The following TTLL7 variants were observed in gnomAD, a reference collection of about 807,000 sequenced individuals.
The protein encoded by TTLL7 is tubulin polyglutamylase TTLL7.
Under a neutral mutation model 120.2 loss-of-function variants are expected in TTLL7, and 53 were observed. The ratio of observed to expected loss-of-function variants is 0.44; its 90% CI spans 0.35 to 0.55. The LOEUF (loss-of-function observed/expected upper bound fraction) is 0.55, where lower values mean the gene tolerates loss of function less well. Ranked by LOEUF, TTLL7 falls within the 20% of genes least tolerant of loss-of-function variation. The pLI is 0.00. For missense variants in TTLL7, 803 were observed against 1,054.7 expected, an observed-to-expected ratio of 0.76 and a Z score of 3.31; for synonymous variants, 353 against 351.7, an observed-to-expected ratio of 1.00 and a Z score of -0.04.
chr1:83,963,934 A>C (rs1242212596), intron 1 of TTLL7, among the ~76,000 whole-genome samples: 1 of 152,162 alleles, frequency 6.6e-6, no homozygotes, highest in Non-Finnish European at 1.5e-5. Context: ...CATATGGAAA[A>C]AAGCAAATGT....
chr1:83,990,531 C>T (rs991039190), intron 1 of TTLL7, among the ~76,000 whole-genome samples: 1 of 152,170 alleles, frequency 6.6e-6, no homozygotes, highest in African/African-American at 2.4e-5. Flanking sequence ...CTTCCAATAA[C>T]CCTATTTAAA....
intron 1 of TTLL7, among the ~76,000 whole-genome samples, chr1:83,971,250 T>C (rs1191233853): frequency 1.3e-5 from 2 of 152,078 alleles, no homozygotes; most frequent in Non-Finnish European, 2.9e-5. Context: ...GATAGATCCA[T>C]TGAGATGTGG....
chr1:83,892,437 TGA>T (rs1655656647), intron 18 of TTLL7, among the ~76,000 whole-genome samples: 1 of 134,968 alleles, frequency 7.4e-6, no homozygotes, highest in Non-Finnish European at 1.6e-5. Context: ...AACATATATA[TGA>T]ACATATGAAT....
chr1:83,870,431 T>C (rs1653262886), intron 20 of TTLL7, among the ~76,000 whole-genome samples: 2 of 152,202 alleles, frequency 1.3e-5, no homozygotes, highest in African/African-American at 4.8e-5. Context: ...TTTGAGAATT[T>C]GACTAGCCAC....
intron 3 of TTLL7, among the ~76,000 whole-genome samples, chr1:83,950,869 G>C (rs1424148355): frequency 6.6e-6 from 1 of 152,106 alleles, no homozygotes; most frequent in African/African-American, 2.4e-5. Context: ...AGCTCATGTA[G>C]AGAGCAAGGG....
At chr1:83,883,352 C>T (rs904153584) in intron 19 of TTLL7, among the ~76,000 whole-genome samples, 15 of 151,606 alleles carry the variant, frequency 9.9e-5, no homozygotes, top group Admixed American at 2.0e-4. Context: ...ACTATTTGTC[C>T]GTGTGTGTGT....
chr1:83,956,622 G>C (rs897339513), intron 1 of TTLL7, among the ~76,000 whole-genome samples: 1 of 152,050 alleles, frequency 6.6e-6, no homozygotes, highest in Admixed American at 6.6e-5. Context: ...TAGAGACGAG[G>C]TTTCTCCATG....
intron 20 of TTLL7, among the ~76,000 whole-genome samples, chr1:83,872,483 C>T (rs1330087800): frequency 2.0e-5 from 3 of 152,128 alleles, no homozygotes; most frequent in Admixed American, 6.5e-5. Flanking sequence ...CAAAAGAAAA[C>T]GAGGTGTTTT....
chr1:83,932,226 T>C (rs1323292522), intron 9 of TTLL7, among the ~76,000 whole-genome samples: 2 of 152,174 alleles, frequency 1.3e-5, no homozygotes, highest in African/African-American at 4.8e-5. Context: ...ATCCTCCTTA[T>C]GCATGTGCCT....
chr1:83,881,710 C>A (rs1419903963), intron 20 of TTLL7, among the ~76,000 whole-genome samples: 3 of 151,194 alleles, frequency 2.0e-5, no homozygotes, highest in Non-Finnish European at 4.4e-5. Context: ...CCTAGAAATA[C>A]CATTTGACCC....
chr1:83,984,898 A>C (rs77813075), intron 1 of TTLL7, among the ~76,000 whole-genome samples: 6,336 of 152,148 alleles, frequency 0.042, 156 homozygotes, highest in Middle Eastern at 0.099. Context: ...AGGTAACAAA[A>C]CTGCATATGT....
intron 6 of TTLL7, 85 bp downstream of exon 6, chr1:83,947,039 C>T: frequency 9.3e-7 from 1 of 1,073,818 alleles, no homozygotes; most frequent in South Asian, 1.9e-5. Context: ...TATTGGTACT[C>T]ACGCATGAGT....
At chr1:83,912,914 C>T (rs1160676171) in intron 14 of TTLL7, 1 of 152,160 alleles carries the variant, frequency 6.6e-6, no homozygotes, top group Non-Finnish European at 1.5e-5. Context: ...AAGGTTGTTT[C>T]CTCAGAAGTT....
At chr1:83,927,159 A>T (rs1183317424) in intron 10 of TTLL7, among the ~76,000 whole-genome samples, 1 of 152,184 alleles carries the variant, frequency 6.6e-6, no homozygotes, top group Non-Finnish European at 1.5e-5. Context: ...TTGAGACTAA[A>T]AGCATATGTT....
chr1:83,902,521 A>C (rs1656810209), intron 18 of TTLL7, among the ~76,000 whole-genome samples: 1 of 152,036 alleles, frequency 6.6e-6, no homozygotes. Flanking sequence ...ATGTGACACA[A>C]TTGATTACTC....
intron 20 of TTLL7, among the ~76,000 whole-genome samples, chr1:83,882,514 C>A (rs897573152): frequency 1.3e-5 from 2 of 151,820 alleles, no homozygotes; most frequent in African/African-American, 2.4e-5. Context: ...TAGAACTTGA[C>A]AAAACTTTAC....
At chr1:83,902,938 G>A (rs1160200848) in intron 18 of TTLL7, among the ~76,000 whole-genome samples, 2 of 151,858 alleles carry the variant, frequency 1.3e-5, no homozygotes, top group African/African-American at 4.8e-5. Context: ...CCCTAGCTAA[G>A]CACCCATTAG....
chr1:83,870,141 A>C lies in TTLL7; in HGVS notation c.2544-59T>G. On this transcript the variant is annotated intron_variant, in intron 20 of 20. Transcript: ENST00000260505. ...AAGCAAATTATAACTAACTCACTAA[A>C]GGGTTATGTGGTTAGCAATTTACGT... 3 of 1,471,432 alleles carry C rather than the reference A, an allele frequency of 2.0e-6. 1 individual carries two copies. The South Asian group carries it at 4.3e-5, about 21-fold the overall frequency. 91.1% of individuals were successfully genotyped at this position (1,471,432 alleles called of 1,614,324 possible). A position where few individuals can be genotyped will look rare whatever the true frequency, so the allele number is the denominator to read the frequency against.
Position 83,974,027 on chromosome 1 carries a change from G to A in TTLL7, c.-176-21640C>T, listed in dbSNP as rs1323053852. On this transcript the variant is annotated intron_variant, in intron 1 of 20. Transcript: ENST00000260505. ...GATTTTTGCGGTTCACTCTATATAT[G>A]TTTTACCTCAAATTTTTTTACTAAC... 7.9e-5 allele frequency among the ~76,000 whole-genome samples: 12 copies of A among 152,010 alleles called. No homozygotes were observed. In the East Asian group the frequency reaches 1.5e-3, roughly 20 times the overall value.
Sources: gnomAD v4.1 joint callset for allele counts (sites outside exome capture counted in the v4.1 genomes callset) on GRCh38, gnomAD v4.1.1 for gene constraint, MANE v1.5 for transcripts, NCBI Gene and HGNC (gene_info 2026-07-23, HGNC 2026-07-21) for gene names.